Variants in UHRF2 observed in about 807,000 individuals in gnomAD.
UHRF2 encodes ubiquitin like with PHD and ring finger domains 2.
UHRF2 carries 23 observed loss-of-function variants against 96.8 expected under a neutral mutation model. The ratio of observed to expected loss-of-function variants is 0.24; its 90% confidence interval spans 0.17 to 0.34. The LOEUF is 0.34. Among genes scored for constraint, UHRF2 ranks in the 10% least tolerant of loss-of-function variants. The pLI, the probability that UHRF2 is intolerant of heterozygous loss-of-function variation, is 1.00. For synonymous variants in UHRF2, 385 were observed against 332.6 expected (o/e 1.16, Z -1.72); for missense variants, 685 against 981.5 (o/e 0.70, Z 4.04).
intron 3 of UHRF2, among the ~76,000 whole-genome samples, chr9:6,437,820 G>A (rs1383425259): frequency 6.6e-6 from 1 of 152,016 alleles, no homozygotes; most frequent in Non-Finnish European, 1.5e-5. Flanking sequence ...GTTTCACCAC[G>A]TTGGCCAAGG....
At chr9:6,422,705 G>A (rs1289109732) in intron 2 of UHRF2, 2 of 549,936 alleles carry the variant, frequency 3.6e-6, no homozygotes, top group African/African-American at 1.9e-5. Flanking sequence ...GACCTGCTGG[G>A]GTCAAGTGAT....
intron 2 of UHRF2, among the ~76,000 whole-genome samples, chr9:6,430,647 G>A (rs140768955): frequency 2.8e-4 from 42 of 152,094 alleles, no homozygotes; most frequent in Non-Finnish European, 5.0e-4. Flanking sequence ...ATTCCGCCCT[G>A]ATCACCCACA....
chr9:6,496,962 G>A, intron 10 of UHRF2: 1 of 399,308 alleles, frequency 2.5e-6, no homozygotes, highest in East Asian at 3.6e-5. Flanking sequence ...ACTTTCAGAA[G>A]AACCCTACAG....
At chr9:6,456,890 A>G (rs1391442274) in intron 3 of UHRF2, among the ~76,000 whole-genome samples, 1 of 152,166 alleles carries the variant, frequency 6.6e-6, no homozygotes, top group Non-Finnish European at 1.5e-5. Context: ...CCATTGGTCT[A>G]CATGTCTGTT....
chr9:6,413,723 T>C, intron 1 of UHRF2, 80 bp downstream of exon 1: 1 of 1,340,134 alleles, frequency 7.5e-7, no homozygotes. Context: ...GTCCGAGGGC[T>C]CTGTGCGCCG....
chr9:6,454,284 A>G (rs1822054917), intron 3 of UHRF2, among the ~76,000 whole-genome samples: 1 of 152,248 alleles, frequency 6.6e-6, no homozygotes, highest in Admixed American at 6.5e-5. Context: ...GAGTGAAGAC[A>G]CCAGGATTGA....
chr9:6,470,115 A>G (rs371964620), intron 4 of UHRF2, among the ~76,000 whole-genome samples: 1 of 152,218 alleles, frequency 6.6e-6, no homozygotes, highest in South Asian at 2.1e-4. Context: ...TCACGCCTAT[A>G]TAATCGCAGC....
chr9:6,444,931 G>A (rs1587802545), intron 3 of UHRF2, among the ~76,000 whole-genome samples: 1 of 151,388 alleles, frequency 6.6e-6, no homozygotes, highest in South Asian at 2.1e-4. Flanking sequence ...GAGGTACCAC[G>A]CTGGCCATTA....
At chr9:6,459,742 G>C (rs989697037) in intron 3 of UHRF2, among the ~76,000 whole-genome samples, 3 of 152,236 alleles carry the variant, frequency 2.0e-5, no homozygotes, top group Non-Finnish European at 4.4e-5. Flanking sequence ...GGGAGTCCAA[G>C]GCAGGGGGTT....
chr9:6,487,033 T>G (rs1457035988), intron 9 of UHRF2, 108 bp downstream of exon 9: 2 of 1,038,992 alleles, frequency 1.9e-6, no homozygotes, highest in Non-Finnish European at 2.8e-6. Context: ...TTAGCACAGT[T>G]TTTGTTGAAG....
intron 4 of UHRF2, among the ~76,000 whole-genome samples, chr9:6,462,828 A>C (rs1468318325): frequency 6.6e-6 from 1 of 152,190 alleles, no homozygotes; most frequent in Non-Finnish European, 1.5e-5. Context: ...GAGGCAGAGG[A>C]ATCACTTGAA....
At chr9:6,457,225 C>A (rs1822237638) in intron 3 of UHRF2, among the ~76,000 whole-genome samples, 2 of 152,064 alleles carry the variant, frequency 1.3e-5, no homozygotes. Flanking sequence ...TCCTTCACAT[C>A]CCTTGTGAGT....
intron 5 of UHRF2, among the ~76,000 whole-genome samples, chr9:6,476,129 G>T (rs1412486070): frequency 6.6e-6 from 1 of 152,108 alleles, no homozygotes; most frequent in Non-Finnish European, 1.5e-5. Flanking sequence ...AAGAGAACAT[G>T]TCACATTTGT....
chr9:6,459,701 T>C (rs1418344840), intron 3 of UHRF2, among the ~76,000 whole-genome samples: 2 of 152,064 alleles, frequency 1.3e-5, no homozygotes, highest in African/African-American at 4.8e-5. Flanking sequence ...AGGCCTGACA[T>C]GGTGGCTCAT....
At chr9:6,461,673 T>C (rs1822553062) in intron 4 of UHRF2, among the ~76,000 whole-genome samples, 1 of 151,892 alleles carries the variant, frequency 6.6e-6, no homozygotes, top group African/African-American at 2.4e-5. Flanking sequence ...CGCCCAGCTT[T>C]CTATCATTAA....
chr9:6,446,202 G>A (rs1354779178), intron 3 of UHRF2, among the ~76,000 whole-genome samples: 1 of 151,234 alleles, frequency 6.6e-6, no homozygotes, highest in African/African-American at 2.4e-5. Flanking sequence ...CCAGGCTGAA[G>A]TGCAGTGGCT....
At chr9:6,452,917 A>G (rs1821958119) in intron 3 of UHRF2, among the ~76,000 whole-genome samples, 1 of 152,176 alleles carries the variant, frequency 6.6e-6, no homozygotes, top group Non-Finnish European at 1.5e-5. Flanking sequence ...CCAGGAAAAT[A>G]TTAGGTAACA....
At chr9:6,433,216 G>C (rs1195347724) in intron 2 of UHRF2, among the ~76,000 whole-genome samples, 1 of 152,118 alleles carries the variant, frequency 6.6e-6, no homozygotes, top group Non-Finnish European at 1.5e-5. Context: ...TGATACACCT[G>C]TTTTTTAATA....
At chr9:6,449,490 T>A (rs1821723268) in intron 3 of UHRF2, 2 of 152,242 alleles carry the variant, frequency 1.3e-5, no homozygotes, top group Admixed American at 6.5e-5. Context: ...GGTGTTACCT[T>A]CATCTTGTCG....
Sources: gnomAD v4.1 joint callset for allele counts (sites outside exome capture counted in the v4.1 genomes callset) on GRCh38, gnomAD v4.1.1 for gene constraint, MANE v1.5 for transcripts, NCBI Gene and HGNC (gene_info 2026-07-23, HGNC 2026-07-21) for gene names.